EXOC4: variants seen among roughly 807,000 people sequenced by gnomAD.
EXOC4 encodes the protein SEC8-like 1.
A neutral mutation model predicts 107.2 loss-of-function variants in EXOC4; 71 were observed. The ratio of observed to expected loss-of-function variants is 0.66; its 90% CI spans 0.55 to 0.81. EXOC4 has a LOEUF of 0.81. EXOC4 is among the 30% of genes least tolerant of loss of function. The probability of loss-of-function intolerance (pLI) is 0.00; values close to 1 mark genes in which losing one functional copy is unlikely to be tolerated. For synonymous variants in EXOC4, 456 were observed against 441.2 expected (o/e 1.03, Z -0.42); for missense variants, 1,108 against 1,189.6 (o/e 0.93, Z 1.01).
chr7:133,968,158 G>A (rs1386382896), intron 14 of EXOC4, among the ~76,000 whole-genome samples: 1 of 152,078 alleles, frequency 6.6e-6, no homozygotes, highest in Admixed American at 6.6e-5. Flanking sequence ...TGCAACCACT[G>A]CTTTTTTTTC....
At chr7:133,853,341 CTT>C (rs1431554774) in intron 11 of EXOC4, among the ~76,000 whole-genome samples, 26 of 134,038 alleles carry the variant, frequency 1.9e-4, no homozygotes, top group African/African-American at 5.9e-4. Flanking sequence ...CTCTCTCTCT[CTT>C]TAACACACAC....
chr7:133,329,860 G>A (rs1337116587), intron 5 of EXOC4, among the ~76,000 whole-genome samples: 3 of 152,136 alleles, frequency 2.0e-5, no homozygotes, highest in African/African-American at 7.2e-5. Context: ...GGTGTCTGTC[G>A]GCCCCTACTG....
chr7:133,560,102 A>G (rs577293824), intron 9 of EXOC4, among the ~76,000 whole-genome samples: 1 of 152,292 alleles, frequency 6.6e-6, no homozygotes, highest in Admixed American at 6.5e-5. Context: ...AAACTGTAGG[A>G]CAAGTACTTT....
At chr7:133,411,234 C>A (rs1002062866) in intron 7 of EXOC4, among the ~76,000 whole-genome samples, 1 of 152,108 alleles carries the variant, frequency 6.6e-6, no homozygotes, top group African/African-American at 2.4e-5. Flanking sequence ...TAGATTAGTG[C>A]AAACTCATTC....
chr7:134,080,520 A>G, the EXOC4 span, among the ~76,000 whole-genome samples: 5 of 152,214 alleles, frequency 3.3e-5, no homozygotes, highest in South Asian at 1.0e-3. Flanking sequence ...ATCACCCTGG[A>G]AGATGGATAA....
chr7:133,916,036 A>G (rs779398015), intron 12 of EXOC4, among the ~76,000 whole-genome samples: 3 of 152,200 alleles, frequency 2.0e-5, no homozygotes, highest in Non-Finnish European at 4.4e-5. Context: ...GTTCCCTACA[A>G]CAGTGGTCCC....
rs79633663 is a variant in EXOC4 at position 133,271,232 on chromosome 7, A to G, written c.87-3750A>G. Among the ~76,000 whole-genome samples, 458 of 152,104 alleles carry G rather than the reference A, an allele frequency of 3.0e-3. 11 individuals are homozygous for G. In the East Asian group the frequency reaches 0.065, roughly 22 times the overall value. The stretch of plus-strand genomic sequence containing the variant: ...TGCGCCTGGCCTCTTTCATGCTTTT[A>G]TGGTCTATCATTTATTAATTTTTAT... On this transcript the variant is annotated intron_variant, in intron 1 of 17. Coordinates refer to ENST00000253861, the MANE Select transcript of EXOC4 (RefSeq NM_021807.4).
Position 133,538,857 on chromosome 7 carries a change from A to G in EXOC4, c.1417+58719A>G, listed in dbSNP as rs10249161. Among the ~76,000 whole-genome samples, 245 of 72,172 alleles carry G rather than the reference A, an allele frequency of 3.4e-3. 2 individuals are homozygous for G. Among genetic ancestry groups the G allele is most frequent in the East Asian group, 0.023 (53 of 2,324 alleles). The allele number at this position is 72,172 out of a possible 152,430, so 47.3% of individuals were successfully genotyped here. A position where few individuals can be genotyped will look rare whatever the true frequency, so the allele number is the denominator to read the frequency against. ...TGAAAGAAAAAGAAAGAAAGAAAGA[A>G]AGAGAGAGAGAGAGAGAGAGAGAGA... On this transcript the variant is annotated intron_variant, in intron 9 of 17. Transcript: ENST00000253861.
At chr7:133,696,158 G>T (rs1794529197) in intron 10 of EXOC4, among the ~76,000 whole-genome samples, 1 of 152,164 alleles carries the variant, frequency 6.6e-6, no homozygotes, top group South Asian at 2.1e-4. Context: ...CTGGGTGAGG[G>T]AGCAGTCATG....
intron 5 of EXOC4, among the ~76,000 whole-genome samples, chr7:133,336,848 C>A (rs1398438078): frequency 6.6e-6 from 1 of 152,040 alleles, no homozygotes; most frequent in Non-Finnish European, 1.5e-5. Flanking sequence ...ATTCTCCAGC[C>A]TCAGCCTCCA....
intron 11 of EXOC4, among the ~76,000 whole-genome samples, chr7:133,857,193 TATA>T (rs1798410097): frequency 2.1e-5 from 1 of 48,542 alleles, no homozygotes; most frequent in Non-Finnish European, 3.8e-5. Flanking sequence ...TATATATATA[TATA>T]TATATTTTAC....
chr7:133,742,402 T>G (rs568656445), intron 10 of EXOC4, among the ~76,000 whole-genome samples: 3 of 152,316 alleles, frequency 2.0e-5, no homozygotes, highest in African/African-American at 7.2e-5. Flanking sequence ...TACCAAGGTC[T>G]TCTTGGCTCC....
chr7:133,523,076 T>A (rs1390089784), intron 9 of EXOC4, among the ~76,000 whole-genome samples: 6 of 152,160 alleles, frequency 3.9e-5, no homozygotes, highest in Non-Finnish European at 8.8e-5. Context: ...TAACCATTAT[T>A]TGCCCTCAGT....
chr7:133,817,928 GA>G (rs1322340929), intron 11 of EXOC4, among the ~76,000 whole-genome samples: 2 of 152,164 alleles, frequency 1.3e-5, no homozygotes, highest in Non-Finnish European at 2.9e-5. Flanking sequence ...TTACCAGCAG[GA>G]AACCCTCTAT....
In EXOC4 at chr7:133,364,035, A is replaced by G. The variant is rs994722373; in HGVS notation, c.1007+7462A>G. 9.2e-5 allele frequency among the ~76,000 whole-genome samples: 14 copies of G among 152,142 alleles called. 1 individual carries two copies. Among genetic ancestry groups the G allele is most frequent in the African/African-American group, 3.4e-4 (14 of 41,428 alleles). ...CTAGCTCCTGCCCCATCCTCTTGCT[A>G]TAGTCTCTAATCAGATTGGACTGTG... On this transcript the variant is annotated intron_variant, in intron 6 of 17. Coordinates refer to ENST00000253861, the MANE Select transcript of EXOC4 (RefSeq NM_021807.4).
At chr7:133,480,889 A>G in intron 9 of EXOC4, 1 of 151,800 alleles carries the variant, frequency 6.6e-6, no homozygotes, top group East Asian at 1.9e-4. Flanking sequence ...CCCTGTCTCT[A>G]TAAAAAAATA....
At chr7:133,606,950 A>T (rs573604353) in intron 9 of EXOC4, among the ~76,000 whole-genome samples, 5 of 152,052 alleles carry the variant, frequency 3.3e-5, no homozygotes, top group South Asian at 2.1e-4. Context: ...ATCTGTTATT[A>T]TTTCTTGTAC....
At chr7:133,523,594 TC>T (rs1334817754) in intron 9 of EXOC4, among the ~76,000 whole-genome samples, 1 of 151,744 alleles carries the variant, frequency 6.6e-6, no homozygotes, top group Non-Finnish European at 1.5e-5. Flanking sequence ...CCTCCCCCCT[TC>T]CCCCACCCCA....
At chr7:133,936,618 T>C (rs922717997) in intron 13 of EXOC4, among the ~76,000 whole-genome samples, 12 of 152,180 alleles carry the variant, frequency 7.9e-5, no homozygotes, top group Admixed American at 5.9e-4. Flanking sequence ...TTGATTTTTT[T>C]CCCCTAACAT....
Sources: allele counts gnomAD v4.1 joint callset (sites outside exome capture counted in the v4.1 genomes callset), GRCh38; gene constraint gnomAD v4.1.1; transcripts MANE v1.5; gene names NCBI Gene and HGNC (gene_info 2026-07-23, HGNC 2026-07-21).